The following ATG7 variants were observed in gnomAD, a reference collection of about 807,000 sequenced individuals.
ATG7 encodes the protein ubiquitin-like modifier-activating enzyme ATG7.
In ATG7, 70 loss-of-function variants were observed where a neutral mutation model predicts 82.4. That is an observed-to-expected ratio of 0.85 (90% confidence interval 0.70 to 1.04). The LOEUF is 1.04. ATG7 is among the 50% of genes least tolerant of loss of function. The probability of loss-of-function intolerance (pLI) is 0.00; values close to 1 mark genes in which losing one functional copy is unlikely to be tolerated. For synonymous variants in ATG7, 287 were observed against 313.0 expected (o/e 0.92, Z 0.88); for missense variants, 792 against 864.3 (o/e 0.92, Z 1.05).
chr3:11,337,985 CA>C (rs1952810919), intron 11 of ATG7, among the ~76,000 whole-genome samples: 1 of 151,820 alleles, frequency 6.6e-6, no homozygotes, highest in Non-Finnish European at 1.5e-5. Context: ...ATTTTCGGTT[CA>C]GGGGTATATG....
chr3:11,411,610 C>T (rs2080900096), intron 19 of ATG7, among the ~76,000 whole-genome samples: 1 of 85,184 alleles, frequency 1.2e-5, no homozygotes, highest in Non-Finnish European at 2.3e-5. Flanking sequence ...CACAGCAAGA[C>T]TCTGTCTCCA....
chr3:11,554,370 G>C (rs1471332790), intron 20 of ATG7, among the ~76,000 whole-genome samples: 1 of 152,110 alleles, frequency 6.6e-6, no homozygotes, highest in Non-Finnish European at 1.5e-5. Context: ...AGGTGCCCAG[G>C]GTGCAGCCTC....
chr3:11,413,637 T>TG (rs1248020417), intron 19 of ATG7, among the ~76,000 whole-genome samples: 2 of 152,248 alleles, frequency 1.3e-5, no homozygotes, highest in Admixed American at 6.5e-5. Flanking sequence ...CAACACAGTT[T>TG]ACTGTTATTT....
chr3:11,385,445 A>T (rs2078247950), intron 19 of ATG7, among the ~76,000 whole-genome samples: 1 of 152,274 alleles, frequency 6.6e-6, no homozygotes, highest in Non-Finnish European at 1.5e-5. Flanking sequence ...TTAAACTGTT[A>T]TCTGTTAGCA....
At chr3:11,291,962 G>A (rs1945045393) in intron 3 of ATG7, among the ~76,000 whole-genome samples, 1 of 152,212 alleles carries the variant, frequency 6.6e-6, no homozygotes, top group Non-Finnish European at 1.5e-5. Context: ...GTTTAAACAA[G>A]GGAGCCACCT....
chr3:11,361,420 G>A (rs1446849287), intron 16 of ATG7, among the ~76,000 whole-genome samples: 1 of 151,902 alleles, frequency 6.6e-6, no homozygotes, highest in Non-Finnish European at 1.5e-5. Flanking sequence ...GAGTAGCTGA[G>A]ATTACAGGTG....
At chr3:11,324,961 G>A (rs1950660479) in intron 9 of ATG7, among the ~76,000 whole-genome samples, 1 of 152,178 alleles carries the variant, frequency 6.6e-6, no homozygotes, top group Non-Finnish European at 1.5e-5. Context: ...TACGGCAGTG[G>A]TTCCATAAGA....
chr3:11,517,152 G>T (rs1559788089), intron 20 of ATG7, among the ~76,000 whole-genome samples: 1 of 151,854 alleles, frequency 6.6e-6, no homozygotes, highest in African/African-American at 2.4e-5. Flanking sequence ...AATTCCACCT[G>T]TATGACATTC....
chr3:11,503,825 A>T (rs2091521244), intron 20 of ATG7, among the ~76,000 whole-genome samples: 1 of 151,982 alleles, frequency 6.6e-6, no homozygotes, highest in Admixed American at 6.6e-5. Context: ...TAAGTTTAAA[A>T]TTCAGTAGAA....
At position 11,488,436 on chromosome 3, in the gene ATG7, G is replaced by A. The variant is rs376999949; in HGVS notation, c.2079+61510G>A. ...TCCATCCTCCCGGCGGTCGGGCAGC[G>A]GCGGCTGCGGTCGGTCGCGGCAGCG... On this transcript the variant is annotated intron_variant, in intron 20 of 20. Transcript: ENST00000693202. 252 of 1,253,422 alleles carry A rather than the reference G, an allele frequency of 2.0e-4. 3 individuals are homozygous for A. The highest frequency in any genetic ancestry group is 8.0e-4 in the Admixed American group (23 of 28,754). The allele number at this position is 1,253,422 out of a possible 1,614,324, so 77.6% of individuals were successfully genotyped here. A position where few individuals can be genotyped will look rare whatever the true frequency, so the allele number is the denominator to read the frequency against.
chr3:11,370,809 A>T (rs1327016690), intron 18 of ATG7, among the ~76,000 whole-genome samples: 1 of 151,006 alleles, frequency 6.6e-6, no homozygotes, highest in Non-Finnish European at 1.5e-5. Flanking sequence ...AATCCACCTG[A>T]TAGGTGTTAA....
intron 19 of ATG7, among the ~76,000 whole-genome samples, chr3:11,385,125 G>T (rs760806505): frequency 2.0e-5 from 3 of 152,152 alleles, no homozygotes; most frequent in Non-Finnish European, 4.4e-5. Flanking sequence ...CGCCTCCTGG[G>T]TTCAAGTGAT....
chr3:11,327,663 T>G (rs1055878024), intron 9 of ATG7, among the ~76,000 whole-genome samples: 8 of 152,200 alleles, frequency 5.3e-5, no homozygotes, highest in African/African-American at 1.9e-4. Context: ...CAAGCCAGAC[T>G]CCAGATCGAT....
intron 20 of ATG7, among the ~76,000 whole-genome samples, chr3:11,496,690 G>C (rs905111844): frequency 6.6e-6 from 1 of 152,046 alleles, no homozygotes; most frequent in Non-Finnish European, 1.5e-5. Context: ...ATTTGATCTT[G>C]TTGTACCCTG....
intron 20 of ATG7, among the ~76,000 whole-genome samples, chr3:11,430,256 A>C (rs2082749265): frequency 6.6e-6 from 1 of 152,182 alleles, no homozygotes; most frequent in Admixed American, 6.5e-5. Context: ...TACTGTTCTA[A>C]CTACATCATT....
intron 2 of ATG7, among the ~76,000 whole-genome samples, chr3:11,281,518 A>G (rs112938924): frequency 0.02 from 3,006 of 152,310 alleles, 54 homozygotes; most frequent in Middle Eastern, 0.054. Context: ...CACGCCTATA[A>G]TCCCAGTACT....
intron 3 of ATG7, among the ~76,000 whole-genome samples, chr3:11,296,651 C>G (rs1945972987): frequency 6.6e-6 from 1 of 152,218 alleles, no homozygotes; most frequent in South Asian, 2.1e-4. Context: ...CCCATGTCAC[C>G]TGCTCAGCTC....
intron 20 of ATG7, among the ~76,000 whole-genome samples, chr3:11,484,841 A>G (rs1027629957): frequency 9.2e-5 from 14 of 151,898 alleles, no homozygotes; most frequent in Non-Finnish European, 1.5e-4. Context: ...ATGATTTCCA[A>G]TTTCATCCAT....
chr3:11,540,028 G>A (rs2070693148), intron 20 of ATG7, among the ~76,000 whole-genome samples: 1 of 152,262 alleles, frequency 6.6e-6, no homozygotes, highest in Non-Finnish European at 1.5e-5. Context: ...AAGCTCTGAT[G>A]AGTGAGTGTG....
Sources: allele counts gnomAD v4.1 joint callset (sites outside exome capture counted in the v4.1 genomes callset), GRCh38; gene constraint gnomAD v4.1.1; transcripts MANE v1.5; gene names NCBI Gene and HGNC (gene_info 2026-07-23, HGNC 2026-07-21).